ACYP2: variants seen among roughly 807,000 people sequenced by gnomAD.
ACYP2 encodes acylphosphatase 2.
ACYP2 carries 12 observed loss-of-function variants against 11.2 expected under a neutral mutation model. The ratio of observed to expected loss-of-function variants is 1.08; its 90% CI spans 0.69 to 1.74. ACYP2 has a LOEUF of 1.74. Among genes scored for constraint, ACYP2 ranks in the 40% most tolerant of loss-of-function variants. The pLI, the probability that ACYP2 is intolerant of heterozygous loss-of-function variation, is 0.00. For missense variants in ACYP2, 134 were observed against 101.9 expected, an observed-to-expected ratio of 1.31 and a Z score of -1.35; for synonymous variants, 43 against 32.2, an observed-to-expected ratio of 1.33 and a Z score of -1.13.
chr2:54,272,402 G>A (rs533230979), intron 6 of ACYP2, among the ~76,000 whole-genome samples: 8 of 152,266 alleles, frequency 5.3e-5, no homozygotes, highest in South Asian at 4.2e-4. Context: ...AGCTGAATCC[G>A]CTCGCCTGCA....
rs187217597 is a variant in ACYP2 at position 54,247,345 on chromosome 2, C to G, written c.405-57343C>G. On this transcript the variant is annotated intron_variant, in intron 6 of 6. Transcript: ENST00000607452. ...AATCCCTTCCCCACCCAAAAAGACTCTTTGCTATTTGCTCTTCCTGGACAA... is the reference window on the plus strand; with the variant it reads ...AATCCCTTCCCCACCCAAAAAGACTGTTTGCTATTTGCTCTTCCTGGACAA... Among the ~76,000 whole-genome samples, 5 of 152,294 alleles carry G rather than the reference C, an allele frequency of 3.3e-5. No individual in the cohort carries two copies. The East Asian group carries it at 9.6e-4, about 29-fold the overall frequency.
chr2:54,178,984 C>G (rs1683590087), intron 6 of ACYP2, among the ~76,000 whole-genome samples: 1 of 152,044 alleles, frequency 6.6e-6, no homozygotes, highest in Admixed American at 6.6e-5. Context: ...CTGGGATATC[C>G]AAGATCAAGG....
At chr2:54,055,245 C>A (rs750095871) in intron 3 of ACYP2, among the ~76,000 whole-genome samples, 2 of 152,096 alleles carry the variant, frequency 1.3e-5, no homozygotes, top group African/African-American at 4.8e-5. Flanking sequence ...CCATGTTGGC[C>A]AAGCTGGTCT....
rs190166293 is a variant in ACYP2 at position 54,112,221 on chromosome 2, G to C, written c.278-23232G>C. On this transcript the variant is annotated intron_variant, in intron 4 of 6. Coordinates refer to ENST00000607452, the MANE Select transcript of ACYP2 (RefSeq NM_001320586.2). Reference sequence around the variant, plus strand: ...AGATCACAAACCAATTGTCTTAAAGGGTTCAAAGAAGGGAATTAACAGGTT... The same window carrying C: ...AGATCACAAACCAATTGTCTTAAAGCGTTCAAAGAAGGGAATTAACAGGTT... Among the ~76,000 whole-genome samples the C allele has an allele frequency of 1.1e-3, 173 of 152,140 alleles. 1 individual carries two copies. The highest frequency in any genetic ancestry group is 4.1e-3 in the African/African-American group (169 of 41,506).
chr2:54,163,486 A>G (rs957032291), intron 6 of ACYP2, among the ~76,000 whole-genome samples: 1 of 152,246 alleles, frequency 6.6e-6, no homozygotes, highest in African/African-American at 2.4e-5. Flanking sequence ...AGCATTATGA[A>G]GTCAGAGAGA....
intron 2 of ACYP2, among the ~76,000 whole-genome samples, chr2:54,022,660 G>A (rs1366732364): frequency 1.3e-5 from 2 of 152,078 alleles, no homozygotes; most frequent in Non-Finnish European, 2.9e-5. Flanking sequence ...GATTACCCGG[G>A]CATGAGCCGC....
chr2:54,254,874 G>T (rs751504706), intron 6 of ACYP2: 7 of 1,572,494 alleles, frequency 4.5e-6, no homozygotes, highest in Non-Finnish European at 6.0e-6. Flanking sequence ...GGTCCAGCTG[G>T]TGGTGGCAGG....
chr2:54,259,508 G>A (rs1687691218), intron 6 of ACYP2, among the ~76,000 whole-genome samples: 2 of 152,208 alleles, frequency 1.3e-5, no homozygotes. Flanking sequence ...AGAGTGCAAT[G>A]TGCTTGAAGC....
intron 6 of ACYP2, among the ~76,000 whole-genome samples, chr2:54,183,537 A>C (rs1004640092): frequency 6.6e-6 from 1 of 152,106 alleles, no homozygotes; most frequent in Non-Finnish European, 1.5e-5. Context: ...GTCTCAAAAA[A>C]AAAAAGAAAA....
intron 2 of ACYP2, among the ~76,000 whole-genome samples, chr2:54,025,783 G>A (rs1674251954): frequency 6.6e-6 from 1 of 152,142 alleles, no homozygotes; most frequent in African/African-American, 2.4e-5. Flanking sequence ...CACAGCAAAA[G>A]AAATAATCAG....
intron 6 of ACYP2, among the ~76,000 whole-genome samples, chr2:54,199,611 G>A (rs1684668845): frequency 6.6e-6 from 1 of 152,212 alleles, no homozygotes. Flanking sequence ...GATTGGATCT[G>A]CTTTTGGATA....
intron 6 of ACYP2, among the ~76,000 whole-genome samples, chr2:54,187,216 T>C (rs1301522443): frequency 6.6e-6 from 1 of 152,128 alleles, no homozygotes; most frequent in Non-Finnish European, 1.5e-5. Context: ...GAAAGGCTTT[T>C]AGGGGAGCTG....
intron 4 of ACYP2, among the ~76,000 whole-genome samples, chr2:54,115,973 G>A (rs571202478): frequency 4.9e-4 from 75 of 152,146 alleles, no homozygotes; most frequent in Non-Finnish European, 9.7e-4. Context: ...GGAAGTGGGG[G>A]AGCGGGAGAG....
intron 2 of ACYP2, among the ~76,000 whole-genome samples, chr2:54,015,565 C>A (rs976117965): frequency 1.3e-4 from 19 of 151,552 alleles, no homozygotes; most frequent in African/African-American, 4.6e-4. Flanking sequence ...TAAGGATCAC[C>A]TGAGCCTGGG....
chr2:54,158,050 G>A (rs1185837785), intron 6 of ACYP2, among the ~76,000 whole-genome samples: 1 of 151,446 alleles, frequency 6.6e-6, no homozygotes, highest in South Asian at 2.1e-4. Flanking sequence ...TTTTGAGATG[G>A]AGGCTCACTC....
At chr2:54,248,102 T>A (rs1056122973) in intron 6 of ACYP2, among the ~76,000 whole-genome samples, 2 of 152,240 alleles carry the variant, frequency 1.3e-5, no homozygotes, top group Non-Finnish European at 2.9e-5. Flanking sequence ...TTTGACTCAG[T>A]GTGGGACTAT....
intron 6 of ACYP2, among the ~76,000 whole-genome samples, chr2:54,272,932 C>T (rs1358366): frequency 0.012 from 1,858 of 152,316 alleles, 56 homozygotes; most frequent in Admixed American, 0.075. Context: ...TCTATAAAGA[C>T]TGTATTTGTC....
intron 6 of ACYP2, among the ~76,000 whole-genome samples, chr2:54,196,965 C>T (rs574630578): frequency 2.6e-5 from 4 of 152,164 alleles, no homozygotes; most frequent in African/African-American, 7.2e-5. Context: ...GAACTGTCCA[C>T]GTGTCACCTC....
intron 6 of ACYP2, among the ~76,000 whole-genome samples, chr2:54,154,101 T>G (rs1363809919): frequency 6.6e-6 from 1 of 152,158 alleles, no homozygotes; most frequent in Non-Finnish European, 1.5e-5. Context: ...CTATATTTCT[T>G]TAGATAGTCT....
Sources: gnomAD v4.1 joint callset for allele counts (sites outside exome capture counted in the v4.1 genomes callset) on GRCh38, gnomAD v4.1.1 for gene constraint, MANE v1.5 for transcripts, NCBI Gene and HGNC (gene_info 2026-07-23, HGNC 2026-07-21) for gene names.